ZNF710: variants seen among roughly 807,000 people sequenced by gnomAD.
ZNF710 encodes the protein zinc finger protein 710.
A neutral mutation model predicts 50.6 loss-of-function variants in ZNF710; 13 were observed. That is an observed-to-expected ratio of 0.26 (90% CI 0.17 to 0.41). The LOEUF is 0.41. Ranked by LOEUF, ZNF710 falls within the 10% of genes least tolerant of loss-of-function variation. The pLI is 1.00. For synonymous variants in ZNF710, 383 were observed against 397.0 expected, an observed-to-expected ratio of 0.96 and a Z score of 0.42; for missense variants, 721 against 936.6, an observed-to-expected ratio of 0.77 and a Z score of 3.01.
chr15:90,060,191 G>A (rs1001154595), intron 1 of ZNF710, among the ~76,000 whole-genome samples: 6 of 151,840 alleles, frequency 4.0e-5, no homozygotes, highest in African/African-American at 1.5e-4. Context: ...CCAAGGGTGA[G>A]AACTTTAATT....
chr15:90,063,256 G>GC (rs548713655), intron 1 of ZNF710, among the ~76,000 whole-genome samples: 65 of 152,298 alleles, frequency 4.3e-4, no homozygotes, highest in African/African-American at 1.1e-3. Flanking sequence ...CAGCTGTGGG[G>GC]CCACACGGGC....
In ZNF710 at chr15:90,068,212, G is replaced by A; in HGVS notation, c.1075G>A (p.Ala359Thr). 1 of 1,613,806 alleles carries A rather than the reference G, an allele frequency of 6.2e-7. No homozygotes were observed. Among genetic ancestry groups the A allele is most frequent in the Non-Finnish European group, 8.5e-7 (1 of 1,180,012 alleles). ...CCACAAGTGCCAGGTATGCCACAAG[G>A]CCTTCACGCAGACCAGCCACCTCAA... ...RPHKCQVCHKAFTQTSHLKRH... is the reference protein window; with the variant it reads ...RPHKCQVCHKTFTQTSHLKRH... Residue 359 changes from alanine to threonine, a missense_variant, in exon 2 of 5, where the codon GCC (alanine) becomes ACC (threonine). Physicochemically the swap from Ala to Thr is moderately conservative, Grantham distance 58. Around this residue, in one of 3 missense-constraint regions of ZNF710, gnomAD observed 326 missense variants for 522.0 expected, o/e 0.62. Transcript: ENST00000268154. This position sits in a 1 kb window ranked among gnomAD's most constrained non-coding sequence, Gnocchi z 5.0.
At chr15:90,076,871 G>T (rs1027990070) in intron 4 of ZNF710, among the ~76,000 whole-genome samples, 4 of 152,104 alleles carry the variant, frequency 2.6e-5, no homozygotes, top group Non-Finnish European at 1.5e-5. Flanking sequence ...TCCTCGGGGT[G>T]GTTAAGGCAC....
At chr15:90,061,898 C>T (rs1202767985) in intron 1 of ZNF710, among the ~76,000 whole-genome samples, 1 of 152,184 alleles carries the variant, frequency 6.6e-6, no homozygotes, top group African/African-American at 2.4e-5. Flanking sequence ...TGGGGCAAAG[C>T]CGTAGGTGAA....
chr15:90,046,757 G>T (rs1007086676), intron 1 of ZNF710, among the ~76,000 whole-genome samples: 42 of 152,326 alleles, frequency 2.8e-4, no homozygotes, highest in African/African-American at 9.1e-4. Flanking sequence ...AGGGGTTGGG[G>T]AAAAGGCTGT....
intron 1 of ZNF710, among the ~76,000 whole-genome samples, chr15:90,055,440 TCATGGAGGCAGGGACCAACCAGA>T (rs1471418340): frequency 1.3e-5 from 2 of 152,160 alleles, no homozygotes; most frequent in African/African-American, 4.8e-5. Flanking sequence ...TGTGGACTTG[TCATGGAGGCAGGGACCAACCAGA>T]CAAGTTCTGG....
rs370603911 is a variant in ZNF710, at chr15:90,067,654, C to T, written c.517C>T (p.His173Tyr). The T allele has an allele frequency of 6.3e-5, 101 of 1,612,874 alleles. No individual in the cohort carries two copies. Among genetic ancestry groups the T allele is most frequent in the Non-Finnish European group, 8.5e-5 (100 of 1,179,624 alleles). The stretch of plus-strand genomic sequence containing the variant: ...CAGCCGCAAGCCCCGGACGCTCCGG[C>T]ATCTGCCCCGAACCCCGAGGCCGGA... ...AFSRKPRTLRHLPRTPRPELN... is the reference protein window; with the variant it reads ...AFSRKPRTLRYLPRTPRPELN... The change falls in exon 2 of 5, where the codon CAT becomes TAT. Residue 173 changes from histidine (H) to tyrosine (Y), a missense_variant. Physicochemically the swap from His to Tyr is moderately conservative, Grantham distance 83 (BLOSUM62 2). Coordinates refer to ENST00000268154, the MANE Select transcript of ZNF710 (RefSeq NM_198526.4). This position sits in a 1 kb window ranked among gnomAD's most constrained non-coding sequence, Gnocchi z 8.1.
At chr15:90,050,316 G>T (rs998842163) in intron 1 of ZNF710, among the ~76,000 whole-genome samples, 1 of 152,176 alleles carries the variant, frequency 6.6e-6, no homozygotes, top group Admixed American at 6.5e-5. Flanking sequence ...CCATGAGAAC[G>T]GAGAGGGCTT....
chr15:90,078,959 G>A (rs1391354390), intron 4 of ZNF710, among the ~76,000 whole-genome samples: 9 of 152,184 alleles, frequency 5.9e-5, no homozygotes, highest in Non-Finnish European at 1.2e-4. Context: ...ATTATAAGGG[G>A]CCTCTTAGGA....
At chr15:90,025,235 CTT>C (rs952593013) in intron 1 of ZNF710, 3 of 152,148 alleles carry the variant, frequency 2.0e-5, no homozygotes, top group Non-Finnish European at 4.4e-5. Flanking sequence ...CATCAACACT[CTT>C]TTGGGTCTAA....
At chr15:90,058,965 C>A (rs1025122869) in intron 1 of ZNF710, among the ~76,000 whole-genome samples, 9 of 152,138 alleles carry the variant, frequency 5.9e-5, no homozygotes, top group Non-Finnish European at 1.2e-4. Context: ...TTAAAGTCAA[C>A]CGATTGTAAA....
At chr15:90,055,050 C>T (rs958592652) in intron 1 of ZNF710, among the ~76,000 whole-genome samples, 2 of 152,214 alleles carry the variant, frequency 1.3e-5, no homozygotes, top group African/African-American at 4.8e-5. Context: ...AGCAAACAGG[C>T]AAGGTCTCTG....
rs1900722108 is a variant in ZNF710, at chr15:90,081,544, G to A, written c.*1715G>A. 1 of 152,274 alleles carries A rather than the reference G, an allele frequency of 6.6e-6. No individual in the cohort carries two copies. Among genetic ancestry groups the A allele is most frequent in the South Asian group, 2.1e-4 (1 of 4,836 alleles). 9.4% of individuals were successfully genotyped at this position (152,274 alleles called of 1,614,324 possible). A position where few individuals can be genotyped will look rare whatever the true frequency, so the allele number is the denominator to read the frequency against. The stretch of plus-strand genomic sequence containing the variant: ...GTGACTGTGATCAGGACTGAGGGGT[G>A]GACAAGGTGGCCCAAGTATGGCTTC... On this transcript the variant is annotated 3_prime_UTR_variant, in exon 5 of 5. Transcript: ENST00000268154.
Position 90,067,969 on chromosome 15 carries a change from G to A in ZNF710, c.832G>A (p.Val278Met), listed in dbSNP as rs1900243673. 5.0e-6 allele frequency: 8 copies of A among 1,614,148 alleles called. No homozygotes were observed. The highest frequency in any genetic ancestry group is 5.9e-6 in the Non-Finnish European group (7 of 1,180,036). The change falls in exon 2 of 5, where the codon GTG becomes ATG. Residue 278 changes from valine (V) to methionine (M), a missense_variant. Val to Met is a conservative substitution (Grantham distance 21). Transcript: ENST00000268154. The surrounding 1 kb of genome is among the most constrained non-coding windows in gnomAD (Gnocchi z 8.1). The part of the protein sequence containing the change: ...KAQLDRLDIN[V>M]QIDDSYLVEA... ...CCAGCTGGATCGGCTGGACATCAAC[G>A]TGCAGATTGACGACTCCTATCTGGT...
In ZNF710 at chr15:90,073,129, T is replaced by C; in HGVS notation, c.1517T>C (p.Met506Thr). The C allele has an allele frequency of 6.2e-7, 1 of 1,614,054 alleles. No individual in the cohort carries two copies. The highest frequency in any genetic ancestry group is 8.5e-7 in the Non-Finnish European group (1 of 1,180,004). The change falls in exon 3 of 5, where the codon ATG (methionine) becomes ACG (threonine). Residue 506 changes from methionine to threonine, a missense_variant. This residue lies in a region of ZNF710 where 326 missense variants were observed against 522.0 expected (regional missense o/e 0.62). Transcript: ENST00000268154. ...CGREFTLQAN[M>T]KRHMLIHTSV... ...CGGGAGTTCACCCTACAGGCGAACA[T>C]GAAGCGGCACATGCTGATCCACACC...
Position 90,080,075 on chromosome 15 carries a change from G to A in ZNF710, c.*246G>A. 2.5e-6 allele frequency: 1 copy of A among 403,006 alleles called. No individual in the cohort carries two copies. 25.0% of individuals were successfully genotyped at this position (403,006 alleles called of 1,614,324 possible). On this transcript the variant is annotated 3_prime_UTR_variant, in exon 5 of 5. Coordinates refer to ENST00000268154, the MANE Select transcript of ZNF710 (RefSeq NM_198526.4). ...AGGGAAGGAGAACACGCGAGGCCCA[G>A]ATCTGGGTCTCCCTGGCCTGCTTCC...
At chr15:90,058,721 A>ATGTATATGTATG (rs1567236953) in intron 1 of ZNF710, among the ~76,000 whole-genome samples, 2 of 144,660 alleles carry the variant, frequency 1.4e-5, no homozygotes, top group African/African-American at 5.8e-5. Context: ...ATATATATAC[A>ATGTATATGTATG]CACATATACA....
intron 1 of ZNF710, chr15:90,002,381 CGTGGGG>C (rs1180690293): frequency 3.4e-4 from 2 of 5,810 alleles, no homozygotes; most frequent in African/African-American, 1.1e-3. Context: ...TGTCTGGGGG[CGTGGGG>C]GTGGGGGTGG....
rs60950814 is a variant in ZNF710 at position 90,034,202 on chromosome 15, A to AAAAAGAAAAGAAAAG, written c.-29+32603_-29+32617dup. Reference sequence around the variant, plus strand: ...GACAGAGTGAGACTCTGTCTCAAAAAAAAAGAAAAGAAAAGAAAAGAAAAG... The same window carrying AAAAAGAAAAGAAAAG: ...GACAGAGTGAGACTCTGTCTCAAAAAAAAAGAAAAGAAAAGAAAAGAAAAGAAAAGAAAAGAAAAG... On this transcript the variant is annotated intron_variant, in intron 1 of 4. Coordinates refer to ENST00000268154, the MANE Select transcript of ZNF710 (RefSeq NM_198526.4). The surrounding 1 kb of genome is among the most constrained non-coding windows in gnomAD (Gnocchi z 4.0). 2.6e-3 allele frequency among the ~76,000 whole-genome samples: 390 copies of AAAAAGAAAAGAAAAG among 151,124 alleles called. No individual in the cohort carries two copies. Among genetic ancestry groups the AAAAAGAAAAGAAAAG allele is most frequent in the African/African-American group, 9.1e-3 (370 of 40,846 alleles).
Sources: gnomAD v4.1 joint callset for allele counts (sites outside exome capture counted in the v4.1 genomes callset) on GRCh38, gnomAD v4.1.1 for gene constraint, gnomAD v4.1.1 regional missense constraint, Gnocchi (gnomAD v3.1) non-coding constraint, MANE v1.5 for transcripts, NCBI Gene and HGNC (gene_info 2026-07-23, HGNC 2026-07-21) for gene names.